Variants in HK1 observed in about 807,000 individuals in gnomAD.
HK1 encodes the protein hexokinase 1.
HK1 carries 28 observed loss-of-function variants against 91.6 expected under a neutral mutation model. The observed-to-expected ratio is 0.31, with a 90% confidence interval of 0.23 to 0.42. HK1 has a LOEUF of 0.42. HK1 is among the 10% of genes least tolerant of loss of function. The pLI is 1.00. For synonymous variants in HK1, 430 were observed against 468.1 expected (o/e 0.92, Z 1.05); for missense variants, 770 against 1,219.8 (o/e 0.63, Z 5.49).
At chr10:69,317,189 G>A (rs1564506126), upstream of HK1, among the ~76,000 whole-genome samples, 1 of 152,214 alleles carries the variant, frequency 6.6e-6, no homozygotes, top group Non-Finnish European at 1.5e-5. Context: ...TAACTTTTCA[G>A]TCAGTTCTAT....
chr10:69,315,856 T>C (rs1589470537), upstream of HK1: 3 of 1,239,788 alleles, frequency 2.4e-6, no homozygotes, highest in South Asian at 2.4e-5. Context: ...GCTGGAGTCC[T>C]GGCTCAAAAC....
chr10:69,302,623 G>A (rs1464011851), intron 5 of HK1, among the ~76,000 whole-genome samples: 1 of 151,664 alleles, frequency 6.6e-6, no homozygotes, highest in Non-Finnish European at 1.5e-5. Context: ...AGAGTGGTGG[G>A]GTGCATCTGT....
intron 1 of HK1, among the ~76,000 whole-genome samples, chr10:69,275,131 T>C (rs1008761007): frequency 2.2e-4 from 33 of 151,692 alleles, no homozygotes; most frequent in Admixed American, 1.1e-3. Flanking sequence ...CCCTCTTACA[T>C]CCTATATCCT....
intron 4 of HK1, 66 bp from the exon 5 acceptor site, chr10:69,368,470 G>A: frequency 7.3e-7 from 1 of 1,373,902 alleles, no homozygotes; most frequent in Non-Finnish European, 1.0e-6. Flanking sequence ...CTGGAGCAAT[G>A]CCCAGGGCCT....
At chr10:69,395,177 G>T (rs758344785) in intron 16 of HK1, 72 bp downstream of exon 16, 128 of 1,502,412 alleles carry the variant, frequency 8.5e-5, no homozygotes, top group Non-Finnish European at 1.1e-4. Context: ...TGTGATGGGG[G>T]TGGTAGGGAC....
At chr10:69,333,073 G>T (rs1285724759) in intron 1 of HK1, among the ~76,000 whole-genome samples, 1 of 152,214 alleles carries the variant, frequency 6.6e-6, no homozygotes, top group Non-Finnish European at 1.5e-5. Flanking sequence ...TGGAGCTCCT[G>T]TGTATGGTAT....
In HK1 at chr10:69,388,313, G is replaced by C. The variant is rs182888925; in HGVS notation, c.1936-884G>C. Among the ~76,000 whole-genome samples, 32 of 152,216 alleles carry C rather than the reference G, an allele frequency of 2.1e-4. 1 individual carries two copies. The highest frequency in any genetic ancestry group is 1.2e-4 in the Non-Finnish European group (8 of 68,004). ...AAATAAAAAATTAGCCGTCATAGTG[G>C]TGCACAACCTGTGGTCCCACCTACT... On this transcript the variant is annotated intron_variant, in intron 13 of 17. Coordinates refer to ENST00000359426, the MANE Select transcript of HK1 (RefSeq NM_000188.3).
intron 1 of HK1, among the ~76,000 whole-genome samples, chr10:69,324,929 G>A (rs1031832605): frequency 6.6e-6 from 1 of 151,980 alleles, no homozygotes; most frequent in Non-Finnish European, 1.5e-5. Context: ...TTTACAGTTT[G>A]ATTGGTCTTG....
At chr10:69,357,963 T>C (rs747827813) in intron 2 of HK1, among the ~76,000 whole-genome samples, 3 of 152,144 alleles carry the variant, frequency 2.0e-5, no homozygotes, top group Non-Finnish European at 4.4e-5. Context: ...AACCATTGAA[T>C]TGTATACTTT....
intron 5 of HK1, among the ~76,000 whole-genome samples, chr10:69,306,888 C>T (rs1846134444): frequency 2.0e-5 from 3 of 152,236 alleles, no homozygotes; most frequent in African/African-American, 7.2e-5. Context: ...CCAAGCTAAA[C>T]ACTTTCCTTT....
At chr10:69,351,505 G>A (rs1242612035) in intron 2 of HK1, among the ~76,000 whole-genome samples, 8 of 151,720 alleles carry the variant, frequency 5.3e-5, no homozygotes, top group East Asian at 1.9e-4. Context: ...GTGAGACTCC[G>A]TCTCAAAAAC....
intron 4 of HK1, among the ~76,000 whole-genome samples, chr10:69,299,358 TTTTG>T (rs76563350): frequency 0.025 from 3,693 of 149,254 alleles, 89 homozygotes; most frequent in East Asian, 0.091. Flanking sequence ...TGTTTGTGGT[TTTTG>T]TTTGTTTGTT....
upstream of HK1, among the ~76,000 whole-genome samples, chr10:69,313,531 C>T (rs989907934): frequency 3.3e-5 from 5 of 152,154 alleles, no homozygotes; most frequent in African/African-American, 7.2e-5. Flanking sequence ...GGCGCAATCT[C>T]GGCTCACCAC....
In HK1 at chr10:69,381,016, G is replaced by A. The variant is rs180887393; in HGVS notation, c.1265+921G>A. ...AAGAATGTCGACTTCAATTGAAATA[G>A]TTCTGGCCTGGCATGGCAGCTCACA... On this transcript the variant is annotated intron_variant, in intron 9 of 17. Transcript: ENST00000359426. 2.3e-3 allele frequency among the ~76,000 whole-genome samples: 350 copies of A among 152,304 alleles called. 1 individual carries two copies. The highest frequency in any genetic ancestry group is 3.5e-3 in the Non-Finnish European group (241 of 68,030).
At chr10:69,314,003 C>A (rs1011388809), upstream of HK1, among the ~76,000 whole-genome samples, 4 of 152,070 alleles carry the variant, frequency 2.6e-5, no homozygotes, top group Non-Finnish European at 5.9e-5. Context: ...ACAACTCCAG[C>A]CTCTCCAGGG....
intron 2 of HK1, among the ~76,000 whole-genome samples, chr10:69,286,847 G>A (rs1023308556): frequency 2.6e-5 from 4 of 152,096 alleles, no homozygotes; most frequent in Admixed American, 2.0e-4. Context: ...CTCATGAGGC[G>A]CCTGGCCTCA....
chr10:69,371,037 C>T (rs112649629), intron 7 of HK1, among the ~76,000 whole-genome samples: 2 of 144,322 alleles, frequency 1.4e-5, no homozygotes, highest in African/African-American at 5.3e-5. Context: ...GCTAGAGGGA[C>T]AGGAATTTAC....
At chr10:69,314,345 G>A (rs758981359), upstream of HK1, among the ~76,000 whole-genome samples, 27 of 152,178 alleles carry the variant, frequency 1.8e-4, no homozygotes, top group Middle Eastern at 3.2e-3. Flanking sequence ...GGTGGGGCTT[G>A]GACATCAGCA....
chr10:69,274,054 C>T (rs1844317487), intron 1 of HK1, among the ~76,000 whole-genome samples: 1 of 152,050 alleles, frequency 6.6e-6, no homozygotes, highest in Admixed American at 6.6e-5. Flanking sequence ...TTATTTTTCA[C>T]CAGAAAGAGA....
Sources: gnomAD v4.1 joint callset for allele counts (sites outside exome capture counted in the v4.1 genomes callset) on GRCh38, gnomAD v4.1.1 for gene constraint, MANE v1.5 for transcripts, NCBI Gene and HGNC (gene_info 2026-07-23, HGNC 2026-07-21) for gene names.